The following LEKR1 variants were observed in gnomAD, a reference collection of about 807,000 sequenced individuals.
LEKR1 encodes the protein protein LEKR1.
LEKR1 carries 59 observed loss-of-function variants against 72.4 expected under a neutral mutation model. The ratio of observed to expected loss-of-function variants is 0.82; its 90% confidence interval spans 0.66 to 1.01. LEKR1 has a LOEUF of 1.01. Among genes scored for constraint, LEKR1 ranks in the 50% least tolerant of loss-of-function variants. The pLI is 0.00. For synonymous variants in LEKR1, 257 were observed against 263.2 expected (o/e 0.98, Z 0.23); for missense variants, 728 against 759.2 (o/e 0.96, Z 0.48).
intron 12 of LEKR1, among the ~76,000 whole-genome samples, chr3:157,037,400 T>C (rs1454871404): frequency 6.6e-6 from 1 of 152,038 alleles, no homozygotes; most frequent in Admixed American, 6.6e-5. Context: ...GTAGAGAAGG[T>C]GGCAGAGACA....
chr3:157,039,011 C>T (rs945129508), intron 12 of LEKR1, among the ~76,000 whole-genome samples: 11 of 152,102 alleles, frequency 7.2e-5, no homozygotes, highest in Admixed American at 2.0e-4. Flanking sequence ...TATTGGCTTT[C>T]ATTAAAACAG....
chr3:157,018,075 G>A (rs182502404), intron 10 of LEKR1, among the ~76,000 whole-genome samples: 2 of 151,604 alleles, frequency 1.3e-5, no homozygotes, highest in Admixed American at 6.6e-5. Flanking sequence ...ATTTAATAAT[G>A]ACAAAGGGAT....
chr3:156,890,860 C>CA (rs1553795950), intron 3 of LEKR1, among the ~76,000 whole-genome samples: 4 of 135,726 alleles, frequency 2.9e-5, no homozygotes, highest in Non-Finnish European at 4.8e-5. Flanking sequence ...AAAAGTTATC[C>CA]TTTTTTTTTT....
At chr3:156,884,931 C>A (rs552956049) in intron 3 of LEKR1, among the ~76,000 whole-genome samples, 1 of 152,050 alleles carries the variant, frequency 6.6e-6, no homozygotes, top group South Asian at 2.1e-4. Context: ...TTAGGTTTGG[C>A]CATTTAACAT....
intron 12 of LEKR1, among the ~76,000 whole-genome samples, chr3:157,039,603 C>A (rs1735209188): frequency 1.3e-5 from 2 of 152,072 alleles, no homozygotes; most frequent in South Asian, 4.1e-4. Flanking sequence ...TGGGCAACAA[C>A]CTGAAACCCT....
At chr3:156,838,502 C>A (rs373773053) in intron 2 of LEKR1, among the ~76,000 whole-genome samples, 1 of 152,172 alleles carries the variant, frequency 6.6e-6, no homozygotes. Flanking sequence ...GCTAATACCC[C>A]CAAAGGAGCC....
chr3:157,011,417 T>C lies in LEKR1; in HGVS notation c.1114T>C (p.Leu372=). The change falls in exon 10 of 13, where the codon TTG becomes CTG. Residue 372 remains leucine, a synonymous_variant. Transcript: ENST00000356539. ...TGTCGGGTTTGTGATTTTCAGGGAATTGATGCTGATTTCACATCAGAAAAG... is the reference window on the plus strand; with the variant it reads ...TGTCGGGTTTGTGATTTTCAGGGAACTGATGCTGATTTCACATCAGAAAAG... The part of the protein sequence containing the change: ...EVLTLKNERE[L]MLISHQKSIE... 1 of 1,611,480 alleles carries C rather than the reference T, an allele frequency of 6.2e-7. No homozygotes were observed. Among genetic ancestry groups the C allele is most frequent in the Non-Finnish European group, 8.5e-7 (1 of 1,177,818 alleles).
At chr3:156,929,804 C>T (rs1170195829) in intron 5 of LEKR1, among the ~76,000 whole-genome samples, 5 of 152,058 alleles carry the variant, frequency 3.3e-5, no homozygotes, top group Non-Finnish European at 7.4e-5. Context: ...CTGTTCTAAG[C>T]GTCATCTTGA....
At chr3:156,902,893 T>TA (rs141130317) in intron 3 of LEKR1, among the ~76,000 whole-genome samples, 1 of 151,978 alleles carries the variant, frequency 6.6e-6, no homozygotes, top group African/African-American at 2.4e-5. Context: ...ATCCTGATTT[T>TA]AAAAAAAGCA....
intron 12 of LEKR1, among the ~76,000 whole-genome samples, chr3:157,041,860 A>T (rs1735370431): frequency 6.6e-6 from 1 of 152,190 alleles, no homozygotes; most frequent in Non-Finnish European, 1.5e-5. Context: ...TCCAACCTTC[A>T]TCTTGACTAA....
Position 156,942,477 on chromosome 3 carries a change from T to G in LEKR1, c.560-52T>G, listed in dbSNP as rs139991368. On this transcript the variant is annotated intron_variant, in intron 5 of 12. Coordinates refer to ENST00000356539, the MANE Select transcript of LEKR1 (RefSeq NM_001004316.3). ...AGAAACTAATCAATCTTTAGAGAAA[T>G]GTTTTATGATTCAATTATTGGCTAT... is the stretch of plus-strand genomic sequence containing the variant. 2.7e-3 allele frequency: 1,548 copies of G among 570,320 alleles called. 16 individuals carry two copies. In the East Asian group the frequency reaches 0.048, roughly 18 times the overall value. 35.3% of individuals were successfully genotyped at this position (570,320 alleles called of 1,614,324 possible).
At chr3:157,017,546 A>T (rs1249525225) in intron 10 of LEKR1, 1 of 152,228 alleles carries the variant, frequency 6.6e-6, no homozygotes, top group Admixed American at 6.5e-5. Context: ...GTATACGAGT[A>T]GCTGTGCTCC....
chr3:156,957,637 C>T (rs1462041948), intron 6 of LEKR1, among the ~76,000 whole-genome samples: 3 of 152,000 alleles, frequency 2.0e-5, no homozygotes, highest in East Asian at 3.9e-4. Context: ...CCAAAGCAAA[C>T]GTACAGTGTA....
chr3:156,905,918 A>G (rs62275259), intron 3 of LEKR1, among the ~76,000 whole-genome samples: 4,839 of 152,144 alleles, frequency 0.032, 116 homozygotes, highest in Non-Finnish European at 0.048. Flanking sequence ...TGATATTTGG[A>G]TACCTTTGCC....
intron 12 of LEKR1, among the ~76,000 whole-genome samples, chr3:157,039,772 A>G (rs902713753): frequency 2.0e-5 from 3 of 152,206 alleles, no homozygotes; most frequent in African/African-American, 7.2e-5. Flanking sequence ...CATTTATTAC[A>G]TTTGCATGTT....
At chr3:156,956,801 A>G (rs1727677018) in intron 6 of LEKR1, among the ~76,000 whole-genome samples, 1 of 152,054 alleles carries the variant, frequency 6.6e-6, no homozygotes, top group African/African-American at 2.4e-5. Flanking sequence ...GTTAAAATCC[A>G]CACCATGTAA....
chr3:156,941,969 TG>T (rs1157077170), intron 5 of LEKR1, among the ~76,000 whole-genome samples: 1 of 151,920 alleles, frequency 6.6e-6, no homozygotes, highest in Non-Finnish European at 1.5e-5. Flanking sequence ...CTGGTCTTAT[TG>T]GGGGGGATAC....
intron 12 of LEKR1, among the ~76,000 whole-genome samples, chr3:157,039,347 G>A (rs754787548): frequency 5.9e-5 from 9 of 152,236 alleles, no homozygotes; most frequent in Non-Finnish European, 1.0e-4. Context: ...CAGGCCAAGT[G>A]TGGTGGCTCA....
At chr3:156,864,533 C>G (rs1244421112) in intron 3 of LEKR1, among the ~76,000 whole-genome samples, 1 of 152,062 alleles carries the variant, frequency 6.6e-6, no homozygotes. Flanking sequence ...TTAGCTCCCC[C>G]TTTTCTTGCC....
Sources: gnomAD v4.1 joint callset for allele counts (sites outside exome capture counted in the v4.1 genomes callset) on GRCh38, gnomAD v4.1.1 for gene constraint, MANE v1.5 for transcripts, NCBI Gene and HGNC (gene_info 2026-07-23, HGNC 2026-07-21) for gene names.